The following CAMK1D variants were observed in gnomAD, a reference collection of about 807,000 sequenced individuals.
CAMK1D encodes the protein calcium/calmodulin-dependent protein kinase type 1D.
Under a neutral mutation model 47.7 loss-of-function variants are expected in CAMK1D, and 9 were observed. The ratio of observed to expected loss-of-function variants is 0.19; its 90% CI spans 0.11 to 0.33. CAMK1D has a LOEUF of 0.33. Ranked by LOEUF, CAMK1D falls within the 10% of genes least tolerant of loss-of-function variation. The pLI is 1.00. For missense variants in CAMK1D, 291 were observed against 488.7 expected (o/e 0.60, Z 3.81); for synonymous variants, 184 against 184.9 (o/e 0.99, Z 0.04).
At position 12,558,301 on chromosome 10, in the gene CAMK1D, G is replaced by A. The variant is rs1379313094; in HGVS notation, c.224+4945G>A. 2.6e-5 allele frequency among the ~76,000 whole-genome samples: 4 copies of A among 152,178 alleles called. No individual in the cohort carries two copies. In the East Asian group the frequency reaches 5.8e-4, roughly 22 times the overall value. On this transcript the variant is annotated intron_variant, in intron 2 of 10. Transcript: ENST00000619168. ...CCGGCACGGTGGCTCACACCTGTAA[G>A]CCAGCACTTTGGGAGGCTGCTGTGG...
intron 3 of CAMK1D, among the ~76,000 whole-genome samples, chr10:12,740,873 C>T (rs975448189): frequency 1.3e-5 from 2 of 152,256 alleles, no homozygotes; most frequent in African/African-American, 4.8e-5. Context: ...CTTTTTAGTG[C>T]ACCACCAATA....
intron 1 of CAMK1D, among the ~76,000 whole-genome samples, chr10:12,403,428 C>G (rs1839301321): frequency 6.6e-6 from 1 of 152,294 alleles, no homozygotes; most frequent in African/African-American, 2.4e-5. Flanking sequence ...ATCGATCCCA[C>G]TTTACTTGTG....
At chr10:12,767,229 G>A (rs902350438) in intron 4 of CAMK1D, among the ~76,000 whole-genome samples, 6 of 152,310 alleles carry the variant, frequency 3.9e-5, no homozygotes, top group African/African-American at 1.4e-4. Context: ...CCAGGCTGGA[G>A]TGCAGTGGCG....
intron 1 of CAMK1D, among the ~76,000 whole-genome samples, chr10:12,536,899 A>G (rs1413153992): frequency 1.3e-5 from 2 of 152,176 alleles, no homozygotes; most frequent in African/African-American, 4.8e-5. Context: ...ATCTAAGCTT[A>G]CTTTCCTCAT....
At chr10:12,384,826 GA>G (rs1159057363) in intron 1 of CAMK1D, among the ~76,000 whole-genome samples, 1 of 152,176 alleles carries the variant, frequency 6.6e-6, no homozygotes, top group Non-Finnish European at 1.5e-5. Flanking sequence ...TGCATCAAAG[GA>G]TACCATCAAG....
chr10:12,522,592 C>T (rs1437365073), intron 1 of CAMK1D, among the ~76,000 whole-genome samples: 2 of 152,176 alleles, frequency 1.3e-5, no homozygotes, highest in East Asian at 1.9e-4. Flanking sequence ...CTCCCATGTC[C>T]ACTTCTTTCC....
intron 2 of CAMK1D, among the ~76,000 whole-genome samples, chr10:12,622,713 C>A (rs1253925638): frequency 6.6e-6 from 1 of 152,094 alleles, no homozygotes; most frequent in Non-Finnish European, 1.5e-5. Flanking sequence ...ACAAACGCTG[C>A]CCTGGAGCGG....
At chr10:12,475,540 C>T (rs1588528939) in intron 1 of CAMK1D, among the ~76,000 whole-genome samples, 1 of 152,094 alleles carries the variant, frequency 6.6e-6, no homozygotes. Context: ...CATGGGTACC[C>T]GGGTTGCTTC....
intron 6 of CAMK1D, among the ~76,000 whole-genome samples, chr10:12,796,611 C>T (rs77568155): frequency 0.013 from 1,971 of 152,168 alleles, 43 homozygotes; most frequent in East Asian, 0.064. Flanking sequence ...GAGAATGCAG[C>T]GTGGTCACCG....
intron 2 of CAMK1D, among the ~76,000 whole-genome samples, chr10:12,640,492 A>G (rs1471253202): frequency 6.6e-6 from 1 of 152,174 alleles, no homozygotes; most frequent in Non-Finnish European, 1.5e-5. Context: ...GATGGAAATG[A>G]GCCTCATTTG....
intron 1 of CAMK1D, among the ~76,000 whole-genome samples, chr10:12,395,136 A>C (rs1177154519): frequency 7.2e-6 from 1 of 138,408 alleles, no homozygotes; most frequent in Non-Finnish European, 1.5e-5. Flanking sequence ...CAGTGGTGCG[A>C]TCATAGCTAA....
At chr10:12,760,707 C>T (rs1473197502) in intron 3 of CAMK1D, 1 of 463,376 alleles carries the variant, frequency 2.2e-6, no homozygotes, top group East Asian at 3.8e-5. Context: ...GGACAGAACC[C>T]AGGTGTGGCT....
rs59602956 is a variant in CAMK1D at position 12,700,013 on chromosome 10, A to T, written c.299+33203A>T. The stretch of plus-strand genomic sequence containing the variant: ...TATTTTGGTGCAAAAAAAAAATGGA[A>T]ATTCATGCATAGTTTTTTCGTAATA... On this transcript the variant is annotated intron_variant, in intron 3 of 10. Transcript: ENST00000619168. Among the ~76,000 whole-genome samples the T allele has an allele frequency of 7.2e-3, 1,093 of 152,284 alleles. 18 individuals are homozygous for T. The highest frequency in any genetic ancestry group is 0.025 in the African/African-American group (1,037 of 41,538).
intron 3 of CAMK1D, among the ~76,000 whole-genome samples, chr10:12,713,942 G>C (rs973067724): frequency 4.6e-5 from 7 of 152,254 alleles, no homozygotes; most frequent in African/African-American, 1.7e-4. Flanking sequence ...TACTTAGAAA[G>C]GCAAACTGTA....
intron 3 of CAMK1D, among the ~76,000 whole-genome samples, chr10:12,706,521 G>C (rs1487457366): frequency 6.6e-6 from 1 of 152,086 alleles, no homozygotes; most frequent in Non-Finnish European, 1.5e-5. Flanking sequence ...AGACCAGCCT[G>C]GGCAATATAG....
intron 1 of CAMK1D, among the ~76,000 whole-genome samples, chr10:12,503,778 G>C (rs1473392980): frequency 1.3e-5 from 2 of 152,192 alleles, no homozygotes; most frequent in Non-Finnish European, 2.9e-5. Context: ...GCTCCTGCAG[G>C]ATAGTGTATA....
chr10:12,681,740 A>G (rs924431609), intron 3 of CAMK1D, among the ~76,000 whole-genome samples: 1 of 152,234 alleles, frequency 6.6e-6, no homozygotes, highest in Non-Finnish European at 1.5e-5. Context: ...CAAATACCCC[A>G]TATTTTGGTA....
rs150218724 is a variant in CAMK1D, at chr10:12,479,929, C to A, written c.93-73296C>A. On this transcript the variant is annotated intron_variant, in intron 1 of 10. Transcript: ENST00000619168. ...TTCTCAACGACGTCCTGGATACATG[C>A]TCTGCTTTCTGCCCCCCCAAATGCC... Among the ~76,000 whole-genome samples, 48 of 152,292 alleles carry A rather than the reference C, an allele frequency of 3.2e-4. No homozygotes were observed. The East Asian group carries it at 8.3e-3, about 26-fold the overall frequency.
At chr10:12,515,700 C>T (rs1835188341) in intron 1 of CAMK1D, among the ~76,000 whole-genome samples, 1 of 151,370 alleles carries the variant, frequency 6.6e-6, no homozygotes, top group Non-Finnish European at 1.5e-5. Context: ...AGCTTCACCT[C>T]CCGGGTTCAC....
Sources: allele counts gnomAD v4.1 joint callset (sites outside exome capture counted in the v4.1 genomes callset), GRCh38; gene constraint gnomAD v4.1.1; transcripts MANE v1.5; gene names NCBI Gene and HGNC (gene_info 2026-07-23, HGNC 2026-07-21).